The following CHRM3 variants were observed in gnomAD, a reference collection of about 807,000 sequenced individuals.
The protein encoded by CHRM3 is cholinergic receptor muscarinic 3.
In CHRM3, 11 loss-of-function variants were observed where a neutral mutation model predicts 41.8. The ratio of observed to expected loss-of-function variants is 0.26; its 90% CI spans 0.17 to 0.44. The LOEUF (loss-of-function observed/expected upper bound fraction) is 0.44, where lower values mean the gene tolerates loss of function less well. CHRM3 is among the 20% of genes least tolerant of loss of function. CHRM3 has a pLI of 1.00. For missense variants in CHRM3, 571 were observed against 745.4 expected, an observed-to-expected ratio of 0.77 and a Z score of 2.72; for synonymous variants, 297 against 301.4, an observed-to-expected ratio of 0.99 and a Z score of 0.15.
At chr1:239,889,636 C>T (rs1678379991) in intron 6 of CHRM3, among the ~76,000 whole-genome samples, 2 of 152,160 alleles carry the variant, frequency 1.3e-5, no homozygotes, top group Non-Finnish European at 2.9e-5. Flanking sequence ...TAAATAATTT[C>T]TTTCTACCTC....
intron 5 of CHRM3, among the ~76,000 whole-genome samples, chr1:239,730,118 T>A (rs1663823455): frequency 6.6e-6 from 1 of 152,016 alleles, no homozygotes; most frequent in African/African-American, 2.4e-5. Context: ...TTAGAAAATA[T>A]AGCCAGTTTT....
At chr1:239,852,744 C>T (rs1223819791) in intron 6 of CHRM3, among the ~76,000 whole-genome samples, 1 of 152,134 alleles carries the variant, frequency 6.6e-6, no homozygotes, top group South Asian at 2.1e-4. Flanking sequence ...GCACATAGTG[C>T]TGACGTAGTT....
chr1:239,591,024 A>G (rs1303440445), intron 3 of CHRM3, among the ~76,000 whole-genome samples: 1 of 152,174 alleles, frequency 6.6e-6, no homozygotes, highest in Non-Finnish European at 1.5e-5. Context: ...GTTAATGCTC[A>G]TTATGCTGGG....
chr1:239,792,098 G>A lies in CHRM3; in HGVS notation c.-146-35154G>A, dbSNP rs542373466. Among the ~76,000 whole-genome samples, 7 of 152,260 alleles carry A rather than the reference G, an allele frequency of 4.6e-5. No homozygotes were observed. The East Asian group carries it at 1.4e-3, about 29-fold the overall frequency. ...CATTGCTGCTGTGGTCCAAGCTCTG[G>A]GTGTCTTCCAGGCTCTCTCTGAGCA... On this transcript the variant is annotated intron_variant, in intron 5 of 6. Coordinates refer to ENST00000676153, the MANE Select transcript of CHRM3 (RefSeq NM_001375978.1).
At chr1:239,414,371 A>G (rs1311975672) in intron 1 of CHRM3, among the ~76,000 whole-genome samples, 1 of 152,256 alleles carries the variant, frequency 6.6e-6, no homozygotes, top group African/African-American at 2.4e-5. Context: ...TTTGGTTTCA[A>G]TAAACCTAAG....
At position 239,908,580 on chromosome 1, in the gene CHRM3, A is replaced by G; in HGVS notation, c.1129A>G (p.Ile377Val). The change falls in exon 7 of 7, where the codon ATC (isoleucine) becomes GTC (valine). Residue 377 changes from isoleucine (I) to valine (V), a missense_variant. Ile to Val is a conservative substitution (Grantham distance 29). This residue lies in a region of CHRM3 where 239 missense variants were observed against 239.6 expected (regional missense o/e 1.00). Transcript: ENST00000676153. The surrounding 1 kb of genome is among the most constrained non-coding windows in gnomAD (Gnocchi z 7.2). ...GCTCAAGCTTCCGGGTCACAGCACC[A>G]TCCTCAACTCCACCAAGTTACCCTC... ...IVLKLPGHST[I>V]LNSTKLPSSD... 6.3e-7 allele frequency: 1 copy of G among 1,596,636 alleles called. No homozygotes were observed. Among genetic ancestry groups the G allele is most frequent in the Non-Finnish European group, 8.5e-7 (1 of 1,171,612 alleles).
At chr1:239,492,829 C>T (rs1667639538) in intron 2 of CHRM3, 22 bp downstream of exon 2, 1 of 152,254 alleles carries the variant, frequency 6.6e-6, no homozygotes, top group Admixed American at 6.5e-5. Context: ...CGATCTCCGT[C>T]TACCCATTCT....
chr1:239,663,674 T>G (rs533017910), intron 4 of CHRM3, among the ~76,000 whole-genome samples: 4 of 152,332 alleles, frequency 2.6e-5, no homozygotes, highest in Admixed American at 2.0e-4. Context: ...AGTGCCAATG[T>G]CCTCGTAAAT....
rs75275468 is a variant in CHRM3, at chr1:239,590,873, A to G, written c.-312-41351A>G. ...CAAGAGACTCACTCATTTTCATGGGAAAAAAAAAGAAGGTCTGAGGATTTT... is the reference window on the plus strand; with the variant it reads ...CAAGAGACTCACTCATTTTCATGGGGAAAAAAAAGAAGGTCTGAGGATTTT... On this transcript the variant is annotated intron_variant, in intron 3 of 6. Transcript: ENST00000676153. 6.1e-3 allele frequency among the ~76,000 whole-genome samples: 924 copies of G among 151,544 alleles called. 6 individuals carry two copies. The highest frequency in any genetic ancestry group is 8.7e-3 in the Non-Finnish European group (592 of 67,832).
chr1:239,506,616 T>C (rs1341820989), intron 2 of CHRM3, among the ~76,000 whole-genome samples: 1 of 152,152 alleles, frequency 6.6e-6, no homozygotes, highest in African/African-American at 2.4e-5. Context: ...AAGTGAAATA[T>C]GGGGTCAGAG....
intron 5 of CHRM3, among the ~76,000 whole-genome samples, chr1:239,723,437 C>G (rs913192038): frequency 6.6e-6 from 1 of 151,770 alleles, no homozygotes; most frequent in Admixed American, 6.6e-5. Context: ...TATATTTTGC[C>G]TTATTTTGGA....
rs189449025 is a variant in CHRM3, at chr1:239,415,891, A to G, written c.-521+28664A>G. 7.9e-5 allele frequency among the ~76,000 whole-genome samples: 12 copies of G among 152,286 alleles called. No homozygotes were observed. In the East Asian group the frequency reaches 2.3e-3, roughly 29 times the overall value. ...TGTAAATAATGCATTGTTGGTATAA[A>G]ATATGACAGGCAGAAGTGCTTAATT... On this transcript the variant is annotated intron_variant, in intron 1 of 6. Transcript: ENST00000676153.
intron 2 of CHRM3, among the ~76,000 whole-genome samples, chr1:239,533,413 AG>A (rs1187024122): frequency 6.6e-6 from 1 of 152,150 alleles, no homozygotes; most frequent in Non-Finnish European, 1.5e-5. Context: ...ACAGGGCGGC[AG>A]GAAGGAGAAG....
chr1:239,592,667 C>A (rs967398645), intron 3 of CHRM3, among the ~76,000 whole-genome samples: 1 of 152,138 alleles, frequency 6.6e-6, no homozygotes, highest in Non-Finnish European at 1.5e-5. Flanking sequence ...TGATATACCA[C>A]ATTTCATTTG....
At chr1:239,446,191 T>C (rs1177458254) in intron 1 of CHRM3, among the ~76,000 whole-genome samples, 3 of 152,168 alleles carry the variant, frequency 2.0e-5, no homozygotes, top group Non-Finnish European at 4.4e-5. Flanking sequence ...CGCCTTGGCC[T>C]CCCAAAGTGT....
intron 5 of CHRM3, among the ~76,000 whole-genome samples, chr1:239,740,300 C>T (rs1211642446): frequency 1.3e-5 from 2 of 151,778 alleles, no homozygotes; most frequent in African/African-American, 4.8e-5. Context: ...AAAATAATAC[C>T]GTGAAGTGCT....
chr1:239,804,567 A>G (rs1425641075), intron 5 of CHRM3, among the ~76,000 whole-genome samples: 1 of 152,096 alleles, frequency 6.6e-6, no homozygotes, highest in Admixed American at 6.5e-5. Flanking sequence ...TTTGTTTTTA[A>G]GAGAGTTTGT....
At chr1:239,527,386 G>T (rs1670065072) in intron 2 of CHRM3, among the ~76,000 whole-genome samples, 1 of 151,896 alleles carries the variant, frequency 6.6e-6, no homozygotes, top group Admixed American at 6.6e-5. Flanking sequence ...AATAATTGAG[G>T]CCCTTACAAA....
At position 239,904,208 on chromosome 1, in the gene CHRM3, T is replaced by A. The variant is rs74694632; in HGVS notation, c.-19-3225T>A. 1.6e-3 allele frequency among the ~76,000 whole-genome samples: 246 copies of A among 152,128 alleles called. 5 individuals are homozygous for A. In the East Asian group the frequency reaches 0.037, roughly 23 times the overall value. ...TCAGGAATCTCAGGAGTGAAGGAGA[T>A]TTCAGAAAGAGAAAGGCCCTTCAGA... On this transcript the variant is annotated intron_variant, in intron 6 of 6. Coordinates refer to ENST00000676153, the MANE Select transcript of CHRM3 (RefSeq NM_001375978.1).
Sources: gnomAD v4.1 joint callset for allele counts (sites outside exome capture counted in the v4.1 genomes callset) on GRCh38, gnomAD v4.1.1 for gene constraint, gnomAD v4.1.1 regional missense constraint, Gnocchi (gnomAD v3.1) non-coding constraint, MANE v1.5 for transcripts, NCBI Gene and HGNC (gene_info 2026-07-23, HGNC 2026-07-21) for gene names.